Variants in CDKL5 observed in about 807,000 individuals in gnomAD.
The protein encoded by CDKL5 is cyclin-dependent kinase-like 5.
Under a neutral mutation model 61.7 loss-of-function variants are expected in CDKL5, and 8 were observed. That is an observed-to-expected ratio of 0.13 (90% CI 0.08 to 0.23). The LOEUF (loss-of-function observed/expected upper bound fraction) is 0.23, where lower values mean the gene tolerates loss of function less well. CDKL5 is among the 10% of genes least tolerant of loss of function. The probability of loss-of-function intolerance (pLI) is 1.00; values close to 1 mark genes in which losing one functional copy is unlikely to be tolerated. For missense variants in CDKL5, 440 were observed against 734.5 expected (o/e 0.60, Z 4.63); for synonymous variants, 275 against 272.3 (o/e 1.01, Z -0.10).
chrX:18,557,511 G>T (rs949138399), intron 3 of CDKL5, among the ~76,000 whole-genome samples: 1 of 111,143 alleles, frequency 9.0e-6, no homozygotes, highest in African/African-American at 3.3e-5. Flanking sequence ...TTTTGAAATG[G>T]CTTAATCCGT....
At position 18,630,909 on chromosome X, in the gene CDKL5, C is replaced by T. The variant is rs112326085; in HGVS notation, c.*2152C>T. 0.02 allele frequency: 14,666 copies of T among 744,920 alleles called. 114 individuals carry two copies. The highest frequency in any genetic ancestry group is 0.022 in the Non-Finnish European group (13,863 of 636,990). The allele number at this position is 744,920 out of a possible 1,213,427, so 61.4% of individuals were successfully genotyped here. Reference sequence around the variant, plus strand: ...AGCAGTTTTGCCTGGACACTAATGACTCTAAAAGGGTGTGTATTTAACTCT... The same window carrying T: ...AGCAGTTTTGCCTGGACACTAATGATTCTAAAAGGGTGTGTATTTAACTCT... On this transcript the variant is annotated 3_prime_UTR_variant, in exon 18 of 18. Coordinates refer to ENST00000623535, the MANE Select transcript of CDKL5 (RefSeq NM_001323289.2).
At chrX:18,547,731 G>T (rs939560707) in intron 3 of CDKL5, among the ~76,000 whole-genome samples, 1 of 111,865 alleles carries the variant, frequency 8.9e-6, no homozygotes, top group African/African-American at 3.3e-5. Context: ...TTCCAGGCCT[G>T]TGTGATAATA....
intron 5 of CDKL5, among the ~76,000 whole-genome samples, chrX:18,578,772 T>A (rs761638644): frequency 1.7e-4 from 19 of 112,083 alleles, no homozygotes; most frequent in African/African-American, 5.8e-4. Context: ...TTATGTGCAG[T>A]CTGCCATTTT....
rs961736363 is a variant in CDKL5 at position 18,634,608 on chromosome X, A to T, written c.*5851A>T. 6 of 752,109 alleles carry T rather than the reference A, an allele frequency of 8.0e-6. No homozygotes were observed. The highest frequency in any genetic ancestry group is 8.9e-5 in the Admixed American group (1 of 11,289). The allele number at this position is 752,109 out of a possible 1,213,427, so 62.0% of individuals were successfully genotyped here. A position where few individuals can be genotyped will look rare whatever the true frequency, so the allele number is the denominator to read the frequency against. On this transcript the variant is annotated 3_prime_UTR_variant, in exon 18 of 18. Coordinates refer to ENST00000623535, the MANE Select transcript of CDKL5 (RefSeq NM_001323289.2). Reference sequence around the variant, plus strand: ...CAACCTGTTTTCTCTAGAGACACACAATGATTCTGGCCCTCAGTCTGTTTC... The same window carrying T: ...CAACCTGTTTTCTCTAGAGACACACTATGATTCTGGCCCTCAGTCTGTTTC...
chrX:18,606,174 TCACACACACACACACA>T lies in CDKL5; in HGVS notation c.1944+1327_1944+1342del, dbSNP rs528800542. 3.1e-5 allele frequency among the ~76,000 whole-genome samples: 3 copies of T among 96,893 alleles called. No individual in the cohort carries two copies. The South Asian group carries it at 1.4e-3, about 46-fold the overall frequency. The allele number at this position is 96,893 out of a possible 115,157, so 84.1% of individuals were successfully genotyped here. A position where few individuals can be genotyped will look rare whatever the true frequency, so the allele number is the denominator to read the frequency against. On this transcript the variant is annotated intron_variant, in intron 12 of 17. Coordinates refer to ENST00000623535, the MANE Select transcript of CDKL5 (RefSeq NM_001323289.2). ...TCAGCCTGGTGACAGAGCAAGACTG[TCACACACACACACACA>T]CACACACACACACACACACAAACAC...
chrX:18,482,096 C>T (rs1201706427), intron 1 of CDKL5, among the ~76,000 whole-genome samples: 2 of 111,376 alleles, frequency 1.8e-5, no homozygotes, highest in South Asian at 3.8e-4. Flanking sequence ...AATATTGCTG[C>T]GTTTGCCCCA....
intron 1 of CDKL5, among the ~76,000 whole-genome samples, chrX:18,486,149 C>T (rs990347143): frequency 1.1e-4 from 12 of 111,377 alleles, no homozygotes; most frequent in African/African-American, 3.6e-4. Flanking sequence ...TTGCATTCAC[C>T]GAACACTCAT....
Position 18,603,895 on chromosome X carries a change from A to G in CDKL5, c.978-7A>G. On this transcript the variant is annotated splice_region_variant and splice_polypyrimidine_tract_variant and intron_variant, in intron 11 of 17. Transcript: ENST00000623535. Reference sequence around the variant, plus strand: ...AAACTGATATACTTCTTTTGTTTTTAACATAGAAACCAAGCCGGCAAAAGT... The same window carrying G: ...AAACTGATATACTTCTTTTGTTTTTGACATAGAAACCAAGCCGGCAAAAGT... 1 of 1,210,330 alleles carries G rather than the reference A, an allele frequency of 8.3e-7. No homozygotes were observed. Among genetic ancestry groups the G allele is most frequent in the African/African-American group, 1.7e-5 (1 of 57,730 alleles).
chrX:18,506,839 A>T, intron 1 of CDKL5, 96 bp from the exon 2 acceptor site: 2 of 336,540 alleles, frequency 5.9e-6, no homozygotes. Context: ...AAACATTAAA[A>T]TGGATTGAAA....
intron 1 of CDKL5, among the ~76,000 whole-genome samples, chrX:18,491,616 T>C (rs1921997081): frequency 8.9e-6 from 1 of 111,787 alleles, no homozygotes; most frequent in Non-Finnish European, 1.9e-5. Flanking sequence ...ATCAATAACC[T>C]CTACCATGTA....
At chrX:18,536,306 C>A (rs899376684) in intron 3 of CDKL5, among the ~76,000 whole-genome samples, 2 of 110,210 alleles carry the variant, frequency 1.8e-5, no homozygotes, top group Admixed American at 2.0e-4. Context: ...GGTTCCTGTA[C>A]AATGAGAAAT....
chrX:18,500,011 C>G (rs923824614), intron 1 of CDKL5, among the ~76,000 whole-genome samples: 6 of 111,404 alleles, frequency 5.4e-5, no homozygotes, highest in African/African-American at 2.0e-4. Flanking sequence ...TTATCTAGAT[C>G]GCCCAGATGA....
chrX:18,649,595 G>A (rs1168687089), intron 20 of CDKL5, among the ~76,000 whole-genome samples: 1 of 111,697 alleles, frequency 9.0e-6, no homozygotes, highest in Admixed American at 9.5e-5. Context: ...AGCTCTGTGG[G>A]TCTGAGGGTG....
chrX:18,582,907 T>G (rs1925528150), intron 7 of CDKL5, among the ~76,000 whole-genome samples: 1 of 111,597 alleles, frequency 9.0e-6, no homozygotes, highest in South Asian at 3.7e-4. Flanking sequence ...TGAGAAAAAA[T>G]GTTTTACAGG....
chrX:18,457,097 G>C (rs997239158), intron 1 of CDKL5, among the ~76,000 whole-genome samples: 14 of 109,174 alleles, frequency 1.3e-4, no homozygotes, highest in African/African-American at 4.0e-4. Flanking sequence ...TAAGTAGTAG[G>C]CACCACATAC....
Position 18,634,019 on chromosome X carries a change from G to A in CDKL5, c.*5262G>A, listed in dbSNP as rs1927310602. ...GGATTTGTAGGGCCAGCAAAATTGC[G>A]GCAGTGAAACTAGTTTCACTTCTAA... On this transcript the variant is annotated 3_prime_UTR_variant, in exon 18 of 18. Transcript: ENST00000623535. 1.6e-5 allele frequency: 12 copies of A among 752,151 alleles called. No homozygotes were observed. Among genetic ancestry groups the A allele is most frequent in the Non-Finnish European group, 1.7e-5 (11 of 638,959 alleles). 62.0% of individuals were successfully genotyped at this position (752,151 alleles called of 1,213,427 possible).
intron 1 of CDKL5, among the ~76,000 whole-genome samples, chrX:18,455,430 A>G (rs1289304014): frequency 8.9e-6 from 1 of 112,762 alleles, no homozygotes; most frequent in Non-Finnish European, 1.9e-5. Flanking sequence ...TTTGGATACA[A>G]AGCATCCAGC....
At position 18,430,779 on chromosome X, in the gene CDKL5, A is replaced by G. The variant is rs184671263; in HGVS notation, c.-163+5084A>G. Among the ~76,000 whole-genome samples, 500 of 111,471 alleles carry G rather than the reference A, an allele frequency of 4.5e-3. 4 individuals carry two copies. The highest frequency in any genetic ancestry group is 0.015 in the African/African-American group (452 of 30,716). ...TGCTAATACAGAGGTTGGACTCTGA[A>G]AATTTTTCTACATGAAAGTAGAACT... On this transcript the variant is annotated intron_variant, in intron 1 of 17. Coordinates refer to ENST00000623535, the MANE Select transcript of CDKL5 (RefSeq NM_001323289.2).
chrX:18,552,488 G>C (rs1432995788), intron 3 of CDKL5, among the ~76,000 whole-genome samples: 1 of 112,128 alleles, frequency 8.9e-6, no homozygotes, highest in African/African-American at 3.2e-5. Flanking sequence ...TGGACTAGCT[G>C]TTCTCCTTTT....
Sources: gnomAD v4.1 joint callset for allele counts (sites outside exome capture counted in the v4.1 genomes callset) on GRCh38, gnomAD v4.1.1 for gene constraint, MANE v1.5 for transcripts, NCBI Gene and HGNC (gene_info 2026-07-23, HGNC 2026-07-21) for gene names.